Variants in ARHGAP6 observed in about 807,000 individuals in gnomAD.
The protein encoded by ARHGAP6 is Rho GTPase activating protein 6, also known as rho GTPase-activating protein 6.
ARHGAP6 carries 16 observed loss-of-function variants against 55.7 expected under a neutral mutation model. The ratio of observed to expected loss-of-function variants is 0.29; its 90% CI spans 0.19 to 0.44. ARHGAP6 has a LOEUF of 0.44. Ranked by LOEUF, ARHGAP6 falls within the 20% of genes least tolerant of loss-of-function variation. ARHGAP6 has a pLI of 1.00. For synonymous variants in ARHGAP6, 382 were observed against 360.9 expected, an observed-to-expected ratio of 1.06 and a Z score of -0.66; for missense variants, 698 against 808.9, an observed-to-expected ratio of 0.86 and a Z score of 1.66.
chrX:11,476,106 T>C (rs913975635), intron 1 of ARHGAP6, among the ~76,000 whole-genome samples: 14 of 110,054 alleles, frequency 1.3e-4, no homozygotes, highest in African/African-American at 3.9e-4. Flanking sequence ...CTTTTTTTTT[T>C]CCCAGAAAAG....
At chrX:11,574,191 T>C (rs768777787) in intron 1 of ARHGAP6, among the ~76,000 whole-genome samples, 3 of 111,276 alleles carry the variant, frequency 2.7e-5, no homozygotes, top group Non-Finnish European at 5.7e-5. Flanking sequence ...TTCCAATCAA[T>C]ACAAAAAGAG....
At chrX:11,520,917 G>A (rs1374309434) in intron 1 of ARHGAP6, among the ~76,000 whole-genome samples, 1 of 112,311 alleles carries the variant, frequency 8.9e-6, no homozygotes, top group Non-Finnish European at 1.9e-5. Flanking sequence ...GGCCAGTGAT[G>A]ATGAGCATTT....
At chrX:11,432,165 G>A (rs2049946541) in intron 1 of ARHGAP6, among the ~76,000 whole-genome samples, 1 of 112,436 alleles carries the variant, frequency 8.9e-6, no homozygotes, top group African/African-American at 3.2e-5. Flanking sequence ...AGAGCTTAGT[G>A]TTGCCTGTTT....
chrX:11,143,120 C>A (rs1314995294), intron 11 of ARHGAP6: 1 of 111,805 alleles, frequency 8.9e-6, no homozygotes. Flanking sequence ...CTCATTTAAT[C>A]CTCACTACAA....
intron 1 of ARHGAP6, among the ~76,000 whole-genome samples, chrX:11,389,834 C>T (rs1021695974): frequency 9.0e-5 from 10 of 111,613 alleles, no homozygotes; most frequent in Non-Finnish European, 1.9e-4. Flanking sequence ...ATGAGAAAGT[C>T]GGTGTGGTTA....
chrX:11,302,252 G>C (rs1238800022), intron 1 of ARHGAP6, among the ~76,000 whole-genome samples: 2 of 112,315 alleles, frequency 1.8e-5, no homozygotes, highest in African/African-American at 6.5e-5. Context: ...TCACCATTCA[G>C]TTTTATCAGA....
At chrX:11,570,377 T>C (rs996161252) in intron 1 of ARHGAP6, among the ~76,000 whole-genome samples, 1 of 111,958 alleles carries the variant, frequency 8.9e-6, no homozygotes, top group African/African-American at 3.2e-5. Context: ...TATGAAAGTA[T>C]AAATATTTGA....
At chrX:11,273,188 T>C (rs1270824778) in intron 1 of ARHGAP6, among the ~76,000 whole-genome samples, 1 of 110,212 alleles carries the variant, frequency 9.1e-6, no homozygotes, top group Non-Finnish European at 1.9e-5. Context: ...AGTCATGAAA[T>C]CCCTAAAAGC....
chrX:11,304,127 T>A (rs2048206435), intron 1 of ARHGAP6, among the ~76,000 whole-genome samples: 1 of 109,827 alleles, frequency 9.1e-6, no homozygotes, highest in Admixed American at 9.6e-5. Flanking sequence ...TCTTGCTCTG[T>A]CACCCAGGCT....
chrX:11,389,602 G>T, intron 1 of ARHGAP6, among the ~76,000 whole-genome samples: 1 of 112,241 alleles, frequency 8.9e-6, no homozygotes, highest in South Asian at 3.7e-4. Context: ...TCAATATTTA[G>T]TAAATTATGC....
chrX:11,174,865 A>AT (rs757076641), intron 8 of ARHGAP6, among the ~76,000 whole-genome samples: 1,489 of 104,979 alleles, frequency 0.014, 11 homozygotes, highest in Middle Eastern at 0.052. Flanking sequence ...TTTTTTTTGT[A>AT]TTTTTTTAGT....
intron 1 of ARHGAP6, among the ~76,000 whole-genome samples, chrX:11,573,374 G>T (rs1184919161): frequency 9.1e-6 from 1 of 110,448 alleles, no homozygotes; most frequent in Non-Finnish European, 1.9e-5. Flanking sequence ...AAGGTGTAAG[G>T]AAGGGATCCA....
intron 1 of ARHGAP6, among the ~76,000 whole-genome samples, chrX:11,423,907 A>C (rs2049852312): frequency 8.9e-6 from 1 of 112,478 alleles, no homozygotes; most frequent in African/African-American, 3.2e-5. Context: ...GTCCCCAGTA[A>C]GTCACAAGGC....
At position 11,660,530 on chromosome X, in the gene ARHGAP6, C is replaced by CAAAA. The variant is rs56274949; in HGVS notation, c.588+3707_588+3710dup. ...CAACAGGGTGAGACTCTCTCTCTCTCAAAAAAAAAAAAAAAAAAAAAAAAA... is the reference window on the plus strand; with the variant it reads ...CAACAGGGTGAGACTCTCTCTCTCTCAAAAAAAAAAAAAAAAAAAAAAAAAAAAA... On this transcript the variant is annotated intron_variant, in intron 1 of 12. Coordinates refer to ENST00000337414, the MANE Select transcript of ARHGAP6 (RefSeq NM_013427.3). Among the ~76,000 whole-genome samples the CAAAA allele has an allele frequency of 8.4e-4, 23 of 27,299 alleles. 4 individuals carry two copies. The highest frequency in any genetic ancestry group is 1.3e-3 in the Admixed American group (2 of 1,589). 23.7% of individuals were successfully genotyped at this position (27,299 alleles called of 115,157 possible).
intron 1 of ARHGAP6, among the ~76,000 whole-genome samples, chrX:11,479,176 A>C (rs1008420875): frequency 8.9e-6 from 1 of 112,224 alleles, no homozygotes; most frequent in African/African-American, 3.2e-5. Context: ...CAGGGTCCTG[A>C]GTTTGAAGGG....
At chrX:11,236,451 A>G (rs2047202323) in intron 2 of ARHGAP6, among the ~76,000 whole-genome samples, 1 of 111,274 alleles carries the variant, frequency 9.0e-6, no homozygotes, top group Non-Finnish European at 1.9e-5. Flanking sequence ...ATCATGCTCT[A>G]ACCTCTACCT....
At chrX:11,310,463 A>G (rs2048287577) in intron 1 of ARHGAP6, among the ~76,000 whole-genome samples, 1 of 111,761 alleles carries the variant, frequency 8.9e-6, no homozygotes, top group South Asian at 3.8e-4. Context: ...ATGAAGGAAT[A>G]AACAAAATGT....
intron 1 of ARHGAP6, among the ~76,000 whole-genome samples, chrX:11,507,115 A>G (rs1050809065): frequency 7.1e-5 from 8 of 112,010 alleles, no homozygotes; most frequent in African/African-American, 2.6e-4. Context: ...ATCTATTAAT[A>G]TACTCTTGAA....
chrX:11,180,087 A>G (rs1258436938), intron 6 of ARHGAP6, among the ~76,000 whole-genome samples: 2 of 111,044 alleles, frequency 1.8e-5, no homozygotes, highest in African/African-American at 6.5e-5. Flanking sequence ...AAAGATGACA[A>G]TAACTAAATA....
Sources: allele counts gnomAD v4.1 joint callset (sites outside exome capture counted in the v4.1 genomes callset), GRCh38; gene constraint gnomAD v4.1.1; transcripts MANE v1.5; gene names NCBI Gene and HGNC (gene_info 2026-07-23, HGNC 2026-07-21).